Variants in MSH3 observed in about 807,000 individuals in gnomAD.
The protein encoded by MSH3 is DNA mismatch repair protein Msh3.
A neutral mutation model predicts 123.3 loss-of-function variants in MSH3; 106 were observed. The observed-to-expected ratio is 0.86, with a 90% CI of 0.73 to 1.01. The LOEUF is 1.01. Among genes scored for constraint, MSH3 ranks in the 50% least tolerant of loss-of-function variants. MSH3 has a pLI of 0.00. For synonymous variants in MSH3, 515 were observed against 481.4 expected (o/e 1.07, Z -0.91); for missense variants, 1,459 against 1,347.6 (o/e 1.08, Z -1.29).
At chr5:80,822,203 G>C (rs1232199170) in intron 20 of MSH3, among the ~76,000 whole-genome samples, 1 of 152,194 alleles carries the variant, frequency 6.6e-6, no homozygotes, top group Non-Finnish European at 1.5e-5. Context: ...CTAGAACCCT[G>C]AGAGAAGTAC....
chr5:80,710,988 G>T (rs1381799232), intron 8 of MSH3, among the ~76,000 whole-genome samples: 2 of 152,086 alleles, frequency 1.3e-5, no homozygotes, highest in African/African-American at 4.8e-5. Context: ...CATCAGGTTT[G>T]CCAAGACAGA....
At chr5:80,742,460 T>C (rs1486940155) in intron 11 of MSH3, among the ~76,000 whole-genome samples, 2 of 152,194 alleles carry the variant, frequency 1.3e-5, no homozygotes, top group Non-Finnish European at 2.9e-5. Flanking sequence ...AACAAAGTAA[T>C]AGAGATAAAA....
intron 18 of MSH3, among the ~76,000 whole-genome samples, chr5:80,789,571 A>G (rs960454734): frequency 6.6e-6 from 1 of 152,096 alleles, no homozygotes; most frequent in Non-Finnish European, 1.5e-5. Context: ...GGGTTTTACC[A>G]TGTTGGCCAG....
chr5:80,695,784 T>C (rs1328409626), intron 8 of MSH3, among the ~76,000 whole-genome samples: 1 of 152,258 alleles, frequency 6.6e-6, no homozygotes, highest in Non-Finnish European at 1.5e-5. Context: ...TTCTGACATC[T>C]CTGTTATCTT....
intron 12 of MSH3, chr5:80,746,551 A>G (rs995042954): frequency 2.3e-6 from 1 of 434,798 alleles, no homozygotes; most frequent in South Asian, 1.7e-5. Context: ...ATCGACTTTC[A>G]GGAATTGTTG....
At chr5:80,724,852 T>C (rs976712113) in intron 8 of MSH3, among the ~76,000 whole-genome samples, 1 of 152,040 alleles carries the variant, frequency 6.6e-6, no homozygotes, top group African/African-American at 2.4e-5. Context: ...TTTCAATGAG[T>C]TTTTCTTTTT....
At chr5:80,788,469 C>T (rs943124924) in intron 18 of MSH3, among the ~76,000 whole-genome samples, 1 of 151,268 alleles carries the variant, frequency 6.6e-6, no homozygotes, top group Non-Finnish European at 1.5e-5. Flanking sequence ...TCAGACAAAA[C>T]TTTCATACAA....
chr5:80,684,977 T>C (rs1254651320), intron 8 of MSH3, among the ~76,000 whole-genome samples: 5 of 152,076 alleles, frequency 3.3e-5, no homozygotes, highest in Middle Eastern at 3.2e-3. Context: ...CTGATTTGCA[T>C]ATGTTGAACC....
At chr5:80,828,400 C>A (rs1220807151) in intron 20 of MSH3, among the ~76,000 whole-genome samples, 1 of 152,108 alleles carries the variant, frequency 6.6e-6, no homozygotes, top group Non-Finnish European at 1.5e-5. Flanking sequence ...TCTTAAAGGC[C>A]CCACTTAATA....
intron 10 of MSH3, among the ~76,000 whole-genome samples, chr5:80,735,853 G>GA (rs1743496634): frequency 6.6e-6 from 1 of 152,112 alleles, no homozygotes; most frequent in Admixed American, 6.5e-5. Context: ...ATTATTATGA[G>GA]AAAAAAGAGA....
rs1049282995 is a variant in MSH3, at chr5:80,873,107, A to C, written c.3131-9A>C. 1 of 1,611,788 alleles carries C rather than the reference A, an allele frequency of 6.2e-7. No homozygotes were observed. Among genetic ancestry groups the C allele is most frequent in the Middle Eastern group, 1.7e-4 (1 of 6,056 alleles). ...GGCACAGTTTTGATCTCCTTTCTTT[A>C]TTTCACAGGCGCAGCAGAACAAGTC... is the stretch of plus-strand genomic sequence containing the variant. On this transcript the variant is annotated splice_polypyrimidine_tract_variant and intron_variant, in intron 22 of 23. Transcript: ENST00000265081.
chr5:80,667,497 C>A (rs1397509395), intron 3 of MSH3, among the ~76,000 whole-genome samples: 1 of 152,222 alleles, frequency 6.6e-6, no homozygotes, highest in East Asian at 1.9e-4. Flanking sequence ...ATTCCTCCCA[C>A]TCGGCCTGGC....
intron 19 of MSH3, among the ~76,000 whole-genome samples, chr5:80,807,079 C>T (rs1329395217): frequency 1.3e-5 from 2 of 150,826 alleles, no homozygotes; most frequent in South Asian, 2.1e-4. Flanking sequence ...ATGGTCCCAA[C>T]TACTCTGGAG....
chr5:80,665,448 C>A, intron 3 of MSH3, 85 bp downstream of exon 3: 2 of 1,019,098 alleles, frequency 2.0e-6, no homozygotes, highest in Non-Finnish European at 3.0e-6. Context: ...TCATTCATGG[C>A]AATGGTTCCT....
intron 12 of MSH3, among the ~76,000 whole-genome samples, chr5:80,746,985 A>C (rs930928280): frequency 6.6e-6 from 1 of 152,206 alleles, no homozygotes; most frequent in Non-Finnish European, 1.5e-5. Flanking sequence ...TTTCTTAGCC[A>C]TAAAGACCTT....
intron 13 of MSH3, among the ~76,000 whole-genome samples, chr5:80,764,197 G>A (rs33013): frequency 0.35 from 52,850 of 152,016 alleles, 9,369 homozygotes; most frequent in East Asian, 0.58. Context: ...GGTACAGATT[G>A]TGCCAATTAT....
Position 80,675,243 on chromosome 5 carries a change from A to G in MSH3, c.1173+115A>G, listed in dbSNP as rs1391638604. 3.0e-5 allele frequency: 35 copies of G among 1,177,830 alleles called. No individual in the cohort carries two copies. The South Asian group carries it at 4.6e-4, about 16-fold the overall frequency. The allele number at this position is 1,177,830 out of a possible 1,614,324, so 73.0% of individuals were successfully genotyped here. A position where few individuals can be genotyped will look rare whatever the true frequency, so the allele number is the denominator to read the frequency against. On this transcript the variant is annotated intron_variant, in intron 7 of 23. Coordinates refer to ENST00000265081, the MANE Select transcript of MSH3 (RefSeq NM_002439.5). ...TGATGAAGTGTACCTTCAGATAATT[A>G]TACAAGAAAAACATTTTTCTCACAA...
chr5:80,797,712 G>T (rs568217803), intron 19 of MSH3, among the ~76,000 whole-genome samples: 6 of 152,170 alleles, frequency 3.9e-5, no homozygotes, highest in Admixed American at 3.9e-4. Flanking sequence ...GCATCACACA[G>T]AAAATGATAG....
chr5:80,722,756 A>G (rs1036226111), intron 8 of MSH3, among the ~76,000 whole-genome samples: 3 of 152,222 alleles, frequency 2.0e-5, no homozygotes, highest in African/African-American at 7.2e-5. Context: ...ATAATGTGAT[A>G]CCTCTATTTA....
Sources: gnomAD v4.1 joint callset for allele counts (sites outside exome capture counted in the v4.1 genomes callset) on GRCh38, gnomAD v4.1.1 for gene constraint, MANE v1.5 for transcripts, NCBI Gene and HGNC (gene_info 2026-07-23, HGNC 2026-07-21) for gene names.